ARAP2: variants seen among roughly 807,000 people sequenced by gnomAD.
ARAP2 encodes the protein arf-GAP with Rho-GAP domain, ANK repeat and PH domain-containing protein 2.
Under a neutral mutation model 194.5 loss-of-function variants are expected in ARAP2, and 148 were observed. The ratio of observed to expected loss-of-function variants is 0.76; its 90% CI spans 0.67 to 0.87. The LOEUF is 0.87. Among genes scored for constraint, ARAP2 ranks in the 40% least tolerant of loss-of-function variants. The pLI is 0.00. For synonymous variants in ARAP2, 695 were observed against 683.5 expected (o/e 1.02, Z -0.26); for missense variants, 2,128 against 1,989.7 (o/e 1.07, Z -1.32).
intron 5 of ARAP2, among the ~76,000 whole-genome samples, chr4:36,040,926 G>A (rs1467748748): frequency 6.6e-6 from 1 of 152,144 alleles, no homozygotes; most frequent in Non-Finnish European, 1.5e-5. Context: ...TGTTTTCAAG[G>A]AGAGTGCTTC....
intron 26 of ARAP2, 39 bp downstream of exon 26, chr4:36,114,131 A>T: frequency 7.6e-7 from 1 of 1,324,498 alleles, no homozygotes; most frequent in Non-Finnish European, 1.1e-6. Flanking sequence ...TTTTTACAGT[A>T]TAAGTAATTT....
chr4:36,042,531 A>T (rs1721039272), intron 5 of ARAP2, among the ~76,000 whole-genome samples: 1 of 152,206 alleles, frequency 6.6e-6, no homozygotes, highest in Admixed American at 6.5e-5. Flanking sequence ...TTCTCAAAAG[A>T]TTAGGCACTT....
chr4:36,128,473 A>ATT, intron 21 of ARAP2, 60 bp downstream of exon 21: 1 of 312,368 alleles, frequency 3.2e-6, no homozygotes. Context: ...TATGGTCTAT[A>ATT]TTATACACAC....
chr4:36,120,140 A>G (rs1047000163), intron 23 of ARAP2, among the ~76,000 whole-genome samples: 7 of 151,548 alleles, frequency 4.6e-5, no homozygotes, highest in Non-Finnish European at 7.4e-5. Context: ...AACTACAAAT[A>G]CAGAAAATAG....
intron 27 of ARAP2, among the ~76,000 whole-genome samples, chr4:36,099,158 G>T (rs1716162691): frequency 6.6e-6 from 1 of 151,918 alleles, no homozygotes; most frequent in African/African-American, 2.4e-5. Context: ...GCGGTGTCTG[G>T]TTTTCTGTTC....
chr4:36,068,411 T>C (rs754847055), intron 32 of ARAP2, 133 bp from the exon 33 acceptor site: 8 of 933,992 alleles, frequency 8.6e-6, no homozygotes, highest in Non-Finnish European at 1.2e-5. Context: ...TAACTTTACT[T>C]CGATACAAGT....
intron 15 of ARAP2, among the ~76,000 whole-genome samples, chr4:36,156,835 T>C (rs890745089): frequency 6.6e-6 from 1 of 152,222 alleles, no homozygotes; most frequent in Non-Finnish European, 1.5e-5. Flanking sequence ...ACTTTCGTAT[T>C]ACCTAAAATG....
Position 36,033,085 on chromosome 4 carries a change from C to T in ARAP2, n.607+12894G>A, listed in dbSNP as rs141376136. ...TATCCAGTCTGTCATTGATGGGCAT[C>T]GAGATTGATTCTATATCTTTGCTGT... On this transcript the variant is annotated intron_variant and non_coding_transcript_variant, in intron 5 of 12. Transcript: ENST00000503225. 9.6e-3 allele frequency among the ~76,000 whole-genome samples: 1,462 copies of T among 152,222 alleles called. 14 individuals carry two copies. The highest frequency in any genetic ancestry group is 0.016 in the Non-Finnish European group (1,063 of 68,022).
At chr4:36,135,937 AT>A in intron 19 of ARAP2, among the ~76,000 whole-genome samples, 1 of 151,912 alleles carries the variant, frequency 6.6e-6, no homozygotes, top group South Asian at 2.1e-4. Context: ...AAACTGTGAC[AT>A]TTTTGAACTT....
At chr4:36,087,187 T>C (rs1457763308) in intron 28 of ARAP2, among the ~76,000 whole-genome samples, 1 of 152,072 alleles carries the variant, frequency 6.6e-6, no homozygotes, top group Non-Finnish European at 1.5e-5. Context: ...ACATCGCCAA[T>C]GGCTTCACCA....
In ARAP2 at chr4:36,140,815, T is replaced by C. The variant is rs184313142; in HGVS notation, c.3263+6481A>G. Among the ~76,000 whole-genome samples the C allele has an allele frequency of 2.1e-4, 32 of 151,784 alleles. 1 individual carries two copies. The South Asian group carries it at 3.1e-3, about 15-fold the overall frequency. The stretch of plus-strand genomic sequence containing the variant: ...GCTTCTTTATGTGAAGAATTTGCAA[T>C]TAAAACTAAAATGCAGTCAAGCTTG... On this transcript the variant is annotated intron_variant, in intron 19 of 32. Coordinates refer to ENST00000303965, the MANE Select transcript of ARAP2 (RefSeq NM_015230.4).
At chr4:36,183,696 G>T (rs1739823095) in intron 8 of ARAP2, among the ~76,000 whole-genome samples, 1 of 152,142 alleles carries the variant, frequency 6.6e-6, no homozygotes, top group Non-Finnish European at 1.5e-5. Context: ...TCGTACTTTG[G>T]GAAGTGTATT....
At chr4:36,089,482 G>A (rs992779514) in intron 28 of ARAP2, among the ~76,000 whole-genome samples, 2 of 152,082 alleles carry the variant, frequency 1.3e-5, no homozygotes, top group African/African-American at 4.8e-5. Flanking sequence ...GGTAGATTAT[G>A]TTAGTAACTT....
At chr4:36,053,455 T>G (rs759443078) in intron 2 of ARAP2, among the ~76,000 whole-genome samples, 5 of 152,076 alleles carry the variant, frequency 3.3e-5, no homozygotes, top group Non-Finnish European at 7.4e-5. Context: ...AACCAGAAAG[T>G]TACTTTATTA....
chr4:36,019,653 G>C (rs1226590468), intron 5 of ARAP2, among the ~76,000 whole-genome samples: 2 of 137,410 alleles, frequency 1.5e-5, no homozygotes, highest in African/African-American at 7.2e-5. Flanking sequence ...GTGAAAAGAA[G>C]AAAGAAGACA....
chr4:36,065,042 G>T, downstream of ARAP2: 1 of 175,174 alleles, frequency 5.7e-6, no homozygotes, highest in Non-Finnish European at 1.2e-5. Flanking sequence ...AGAAGGAAGG[G>T]AGGGAGAGAA....
chr4:36,215,318 G>T (rs532947982), intron 2 of ARAP2, among the ~76,000 whole-genome samples: 1 of 152,296 alleles, frequency 6.6e-6, no homozygotes, highest in Non-Finnish European at 1.5e-5. Flanking sequence ...TAAGAAAAAA[G>T]TTCCGAAGAA....
At chr4:36,046,244 T>C (rs536388290) in intron 4 of ARAP2, among the ~76,000 whole-genome samples, 1 of 152,228 alleles carries the variant, frequency 6.6e-6, no homozygotes, top group South Asian at 2.1e-4. Flanking sequence ...AGTACAGTGG[T>C]GCAGTCACAG....
At chr4:36,021,159 C>T (rs1285161390) in intron 5 of ARAP2, among the ~76,000 whole-genome samples, 1 of 152,110 alleles carries the variant, frequency 6.6e-6, no homozygotes, top group African/African-American at 2.4e-5. Context: ...TATACTGGTA[C>T]TGATTTCATC....
Sources: allele counts gnomAD v4.1 joint callset (sites outside exome capture counted in the v4.1 genomes callset), GRCh38; gene constraint gnomAD v4.1.1; transcripts MANE v1.5; gene names NCBI Gene and HGNC (gene_info 2026-07-23, HGNC 2026-07-21).